The following ESR1 variants were observed in gnomAD, a reference collection of about 807,000 sequenced individuals.
The protein encoded by ESR1 is estrogen receptor 1.
ESR1 carries 12 observed loss-of-function variants against 52.7 expected under a neutral mutation model. The observed-to-expected ratio is 0.23, with a 90% confidence interval of 0.15 to 0.37. The LOEUF is 0.37. Among genes scored for constraint, ESR1 ranks in the 10% least tolerant of loss-of-function variants. The probability of loss-of-function intolerance (pLI) is 1.00; values close to 1 mark genes in which losing one functional copy is unlikely to be tolerated. For missense variants in ESR1, 584 were observed against 779.7 expected (o/e 0.75, Z 2.99); for synonymous variants, 305 against 316.8 (o/e 0.96, Z 0.39).
intron 2 of ESR1, among the ~76,000 whole-genome samples, chr6:151,736,375 G>GTTTTTTTGTTTTTTTTTT (rs1782666938): frequency 3.5e-5 from 4 of 112,736 alleles, no homozygotes; most frequent in African/African-American, 1.5e-4. Flanking sequence ...TCCAGGTAGT[G>GTTTTTTTGTTTTTTTTTT]TTTTTTTTTT....
intron 2 of ESR1, among the ~76,000 whole-genome samples, chr6:151,708,967 T>G (rs988797796): frequency 6.6e-6 from 1 of 152,230 alleles, no homozygotes; most frequent in Non-Finnish European, 1.5e-5. Context: ...TTATCATTTT[T>G]GTGGTGAGAA....
intron 5 of ESR1, among the ~76,000 whole-genome samples, chr6:152,039,578 A>G (rs1047197956): frequency 1.4e-4 from 22 of 152,132 alleles, no homozygotes; most frequent in African/African-American, 5.3e-4. Flanking sequence ...CTGTGGAACA[A>G]GAAGCACAAA....
intron 3 of ESR1, among the ~76,000 whole-genome samples, chr6:151,935,046 C>G (rs116681732): frequency 7.9e-5 from 12 of 152,300 alleles, no homozygotes; most frequent in African/African-American, 2.9e-4. Flanking sequence ...AATCAGCCTG[C>G]CTGGGTTCAA....
chr6:151,690,599 T>C (rs1484609799), exon 1 of ESR1: 1 of 152,214 alleles, frequency 6.6e-6, no homozygotes, highest in Non-Finnish European at 1.5e-5. Flanking sequence ...GAAAGGTCCA[T>C]GCTCCTTTCT....
At chr6:152,067,350 A>G (rs2048040265) in intron 6 of ESR1, among the ~76,000 whole-genome samples, 1 of 152,148 alleles carries the variant, frequency 6.6e-6, no homozygotes, top group Non-Finnish European at 1.5e-5. Flanking sequence ...AAGACGGGAA[A>G]TCCTTGCACT....
chr6:151,813,452 C>T (rs780845951), intron 1 of ESR1: 2 of 152,050 alleles, frequency 1.3e-5, no homozygotes, highest in Admixed American at 1.3e-4. Flanking sequence ...TTTCTGGATG[C>T]CTCCTATGGA....
At chr6:152,043,465 T>G (rs537711067) in intron 5 of ESR1, among the ~76,000 whole-genome samples, 1 of 152,174 alleles carries the variant, frequency 6.6e-6, no homozygotes, top group African/African-American at 2.4e-5. Flanking sequence ...GTAGCGCACC[T>G]CCTTGTGGGT....
Position 151,735,642 on chromosome 6 carries a change from C to G in ESR1, c.-71+33637C>G, listed in dbSNP as rs147742238. Among the ~76,000 whole-genome samples the G allele has an allele frequency of 1.1e-3, 169 of 151,942 alleles. 1 individual carries two copies. The highest frequency in any genetic ancestry group is 3.9e-3 in the African/African-American group (160 of 41,416). On this transcript the variant is annotated intron_variant, in intron 2 of 2. Transcript: ENST00000404742. ...TGCATGAATTGTATAGTGCTGAAGT[C>G]TGGGATTTTAGTTTACCCATCACTC...
chr6:151,993,316 C>G (rs746342409), intron 4 of ESR1, among the ~76,000 whole-genome samples: 1 of 152,066 alleles, frequency 6.6e-6, no homozygotes, highest in African/African-American at 2.4e-5. Context: ...AATGAGACAC[C>G]CAACGCCTTT....
intron 2 of ESR1, among the ~76,000 whole-genome samples, chr6:151,852,080 T>A (rs1216887126): frequency 6.6e-6 from 1 of 152,172 alleles, no homozygotes; most frequent in Non-Finnish European, 1.5e-5. Flanking sequence ...TTAAAGAGGT[T>A]CAGACATAGA....
intron 1 of ESR1, among the ~76,000 whole-genome samples, chr6:151,822,600 C>T (rs1323449529): frequency 6.6e-6 from 1 of 152,116 alleles, no homozygotes; most frequent in Non-Finnish European, 1.5e-5. Flanking sequence ...CCAGGCTAAA[C>T]CTTTCTAATT....
chr6:152,050,710 G>A (rs1282005726), intron 5 of ESR1, among the ~76,000 whole-genome samples: 3 of 152,180 alleles, frequency 2.0e-5, no homozygotes, highest in African/African-American at 7.2e-5. Flanking sequence ...TCCTTCTGGT[G>A]AGATCATCAA....
At chr6:151,850,641 C>A (rs190363489) in intron 2 of ESR1, among the ~76,000 whole-genome samples, 1 of 152,066 alleles carries the variant, frequency 6.6e-6, no homozygotes, top group Non-Finnish European at 1.5e-5. Context: ...AGTGACTCCC[C>A]TGTGTTTCCC....
intron 2 of ESR1, among the ~76,000 whole-genome samples, chr6:151,847,665 G>A (rs1325735497): frequency 1.5e-4 from 19 of 130,960 alleles, no homozygotes; most frequent in African/African-American, 4.4e-4. Flanking sequence ...AGTAGGTTGC[G>A]AAAATTTTCT....
chr6:151,970,683 G>C (rs1191590920), intron 4 of ESR1, among the ~76,000 whole-genome samples: 1 of 152,124 alleles, frequency 6.6e-6, no homozygotes, highest in Non-Finnish European at 1.5e-5. Context: ...GAAAGCTTCT[G>C]CTCTTCAGCA....
chr6:151,944,021 T>C lies in ESR1; in HGVS notation c.761-152T>C, dbSNP rs1045504968. ...AATAGAAATCTTTTTCTTCTTCTCTTGGAGAGCCACTTGTTGAACACTTAC... is the reference window on the plus strand; with the variant it reads ...AATAGAAATCTTTTTCTTCTTCTCTCGGAGAGCCACTTGTTGAACACTTAC... On this transcript the variant is annotated intron_variant, in intron 3 of 7. Transcript: ENST00000206249. The C allele has an allele frequency of 2.5e-5, 16 of 652,410 alleles. No individual in the cohort carries two copies. The African/African-American group carries it at 2.7e-4, about 11-fold the overall frequency. 40.4% of individuals were successfully genotyped at this position (652,410 alleles called of 1,614,324 possible).
At chr6:152,088,176 A>G (rs1344544798) in intron 6 of ESR1, among the ~76,000 whole-genome samples, 2 of 152,218 alleles carry the variant, frequency 1.3e-5, no homozygotes, top group Admixed American at 1.3e-4. Flanking sequence ...ATATATTTCA[A>G]TGCAGATGCC....
chr6:151,790,272 C>T (rs1209068061), intron 2 of ESR1, among the ~76,000 whole-genome samples: 2 of 152,214 alleles, frequency 1.3e-5, no homozygotes, highest in Non-Finnish European at 2.9e-5. Flanking sequence ...GGGTGCACAG[C>T]CCCACGACGA....
At position 152,094,388 on chromosome 6, in the gene ESR1, T is replaced by C; in HGVS notation, c.1373T>C (p.Val458Ala). 2 of 1,613,552 alleles carry C rather than the reference T, an allele frequency of 1.2e-6. No homozygotes were observed. Among genetic ancestry groups the C allele is most frequent in the Non-Finnish European group, 1.7e-6 (2 of 1,179,714 alleles). ...LKSIILLNSG[V>A]YTFLSSTLKS... ...CACTCTCTCTCTGCGCATTCAGGAG[T>C]GTACACATTTCTGTCCAGCACCCTG... is the stretch of plus-strand genomic sequence containing the variant. Residue 458 changes from valine to alanine, a missense_variant, in exon 7 of 8, where the codon GTG becomes GCG. Val to Ala is a moderately conservative substitution (Grantham distance 64). Transcript: ENST00000206249. This position sits in a 1 kb window ranked among gnomAD's most constrained non-coding sequence, Gnocchi z 4.6.
Sources: gnomAD v4.1 joint callset for allele counts (sites outside exome capture counted in the v4.1 genomes callset) on GRCh38, gnomAD v4.1.1 for gene constraint, Gnocchi (gnomAD v3.1) non-coding constraint, MANE v1.5 for transcripts, NCBI Gene and HGNC (gene_info 2026-07-23, HGNC 2026-07-21) for gene names.